The following KMO variants were observed in gnomAD, a reference collection of about 807,000 sequenced individuals.
KMO encodes the protein kynurenine 3-monooxygenase.
KMO carries 24 observed loss-of-function variants against 57.8 expected under a neutral mutation model. The ratio of observed to expected loss-of-function variants is 0.42; its 90% CI spans 0.30 to 0.58. KMO has a LOEUF of 0.58. Ranked by LOEUF, KMO falls within the 20% of genes least tolerant of loss-of-function variation. The probability of loss-of-function intolerance (pLI) is 0.22; values close to 1 mark genes in which losing one functional copy is unlikely to be tolerated. For synonymous variants in KMO, 210 were observed against 193.6 expected, an observed-to-expected ratio of 1.08 and a Z score of -0.70; for missense variants, 483 against 588.2, an observed-to-expected ratio of 0.82 and a Z score of 1.85.
chr1:241,554,692 C>T (rs569029917), intron 4 of KMO, among the ~76,000 whole-genome samples: 5 of 149,616 alleles, frequency 3.3e-5, no homozygotes, highest in Admixed American at 1.3e-4. Flanking sequence ...AAAAAGTGGC[C>T]GGGCGCTGTG....
intron 8 of KMO, among the ~76,000 whole-genome samples, chr1:241,565,852 G>C (rs1331026123): frequency 1.3e-5 from 2 of 152,082 alleles, no homozygotes; most frequent in Non-Finnish European, 2.9e-5. Context: ...CCAGGGCCTA[G>C]TAATACAATC....
At chr1:241,559,808 T>C (rs1284386016) in intron 5 of KMO, among the ~76,000 whole-genome samples, 1 of 152,144 alleles carries the variant, frequency 6.6e-6, no homozygotes, top group African/African-American at 2.4e-5. Flanking sequence ...ATGAGTTTGG[T>C]CCTTAATTTT....
chr1:241,534,650 C>A (rs915904558), intron 1 of KMO, among the ~76,000 whole-genome samples: 1 of 152,232 alleles, frequency 6.6e-6, no homozygotes, highest in African/African-American at 2.4e-5. Context: ...CCATTACAAC[C>A]ATCCTGGCCC....
intron 14 of KMO, 56 bp downstream of exon 14, chr1:241,590,319 T>G (rs1553352159): frequency 1.5e-6 from 2 of 1,309,032 alleles, no homozygotes; most frequent in Admixed American, 3.5e-5. Context: ...AATGTCATAG[T>G]ATTATGATTA....
At chr1:241,538,041 T>C (rs565360958) in intron 1 of KMO, among the ~76,000 whole-genome samples, 2 of 152,162 alleles carry the variant, frequency 1.3e-5, no homozygotes, top group Non-Finnish European at 2.9e-5. Flanking sequence ...TAGAGATATT[T>C]ATGGGGTAAA....
chr1:241,562,226 A>G lies in KMO; in HGVS notation c.509A>G (p.Tyr170Cys), dbSNP rs1182463856. 1.2e-6 allele frequency: 2 copies of G among 1,614,166 alleles called. No homozygotes were observed. Among genetic ancestry groups the G allele is most frequent in the South Asian group, 2.2e-5 (2 of 91,084 alleles). ...CDLIVGCDGA[Y>C]STVRSHLMKK... ...CTCATTGTAGGATGTGATGGAGCCT[A>G]TTCAACTGTCAGATCTCACCTGATG... Residue 170 changes from tyrosine (Y) to cysteine (C), a missense_variant, in exon 7 of 15, where the codon TAT (tyrosine) becomes TGT (cysteine). Physicochemically the swap from Tyr to Cys is radical, Grantham distance 194 (BLOSUM62 -2). Transcript: ENST00000366559.
chr1:241,546,467 A>C (rs1253864794), intron 1 of KMO, among the ~76,000 whole-genome samples: 1 of 152,224 alleles, frequency 6.6e-6, no homozygotes, highest in Non-Finnish European at 1.5e-5. Context: ...GGAAAGAGGC[A>C]AAATGAATGC....
At position 241,549,734 on chromosome 1, in the gene KMO, G is replaced by C; in HGVS notation, c.182G>C (p.Arg61Thr). Residue 61 changes from arginine (R) to threonine (T), a missense_variant, in exon 3 of 15, where the codon AGA (arginine) becomes ACA (threonine). This residue lies in a region of KMO where 70 missense variants were observed against 78.4 expected (regional missense o/e 0.89). Transcript: ENST00000366559. ...GRSINLALSH[R>T]GRQALKAVGL... ...AGCATTAACTTAGCCCTTTCTCATA[G>C]AGGACGACAAGCCTTGAAAGCTGTT... is the stretch of plus-strand genomic sequence containing the variant. 1 of 1,613,544 alleles carries C rather than the reference G, an allele frequency of 6.2e-7. No individual in the cohort carries two copies. Among genetic ancestry groups the C allele is most frequent in the Non-Finnish European group, 8.5e-7 (1 of 1,179,648 alleles).
intron 10 of KMO, among the ~76,000 whole-genome samples, chr1:241,577,347 A>G (rs1244726747): frequency 6.6e-6 from 1 of 151,142 alleles, no homozygotes; most frequent in Non-Finnish European, 1.5e-5. Context: ...GGTTCCTTCT[A>G]ATTTGGGTAG....
chr1:241,554,501 T>A (rs189636304), intron 4 of KMO, among the ~76,000 whole-genome samples: 338 of 151,852 alleles, frequency 2.2e-3, no homozygotes, highest in African/African-American at 7.7e-3. Flanking sequence ...CTTAAACTCC[T>A]GACCTCAAGT....
intron 11 of KMO, among the ~76,000 whole-genome samples, chr1:241,587,553 C>T (rs906003741): frequency 6.6e-6 from 1 of 152,136 alleles, no homozygotes; most frequent in African/African-American, 2.4e-5. Context: ...CGCCTCCTCT[C>T]CTGCCTCAGC....
chr1:241,580,458 A>G (rs546557214), intron 10 of KMO, among the ~76,000 whole-genome samples: 4 of 152,130 alleles, frequency 2.6e-5, no homozygotes, highest in African/African-American at 9.6e-5. Context: ...AAGTTTTTCT[A>G]CTTTTTTGAT....
chr1:241,561,711 C>T (rs968207188), intron 6 of KMO, among the ~76,000 whole-genome samples: 1 of 152,200 alleles, frequency 6.6e-6, no homozygotes, highest in African/African-American at 2.4e-5. Context: ...AATCTTTTAT[C>T]TTGACATTCA....
intron 2 of KMO, among the ~76,000 whole-genome samples, chr1:241,549,237 G>GAAAT (rs1661285348): frequency 6.5e-5 from 1 of 15,326 alleles, no homozygotes; most frequent in African/African-American, 1.1e-4. Flanking sequence ...AAGAAAGAAA[G>GAAAT]AAAGAAAGAA....
chr1:241,549,205 G>GAAAC (rs1366250081), intron 2 of KMO, among the ~76,000 whole-genome samples: 3 of 2,828 alleles, frequency 1.1e-3, no homozygotes, highest in Non-Finnish European at 7.7e-3. Flanking sequence ...AGAAAAGGAA[G>GAAAC]AAAGAAAGAA....
chr1:241,549,348 G>A (rs961588848), intron 2 of KMO, among the ~76,000 whole-genome samples: 1 of 151,666 alleles, frequency 6.6e-6, no homozygotes, highest in African/African-American at 2.4e-5. Context: ...AAGAAAGAAA[G>A]AAAGATAGAA....
At chr1:241,577,610 A>C (rs182508512) in intron 10 of KMO, among the ~76,000 whole-genome samples, 3 of 152,160 alleles carry the variant, frequency 2.0e-5, no homozygotes, top group Non-Finnish European at 4.4e-5. Flanking sequence ...ACGGTCTCCT[A>C]TGGGGTTGGA....
At chr1:241,591,621 C>A (rs948189052) in intron 14 of KMO, among the ~76,000 whole-genome samples, 1 of 152,086 alleles carries the variant, frequency 6.6e-6, no homozygotes, top group Non-Finnish European at 1.5e-5. Context: ...GATGTGTGGC[C>A]CCAGCACAGC....
chr1:241,588,735 A>G lies in KMO; in HGVS notation c.1016-13A>G, dbSNP rs946719633. On this transcript the variant is annotated splice_polypyrimidine_tract_variant and intron_variant, in intron 11 of 14. Transcript: ENST00000366559. ...ATAGAAGGTTTTGGAAAGATGTATTATTTAACTTACAGGTTTGTGTCTTCC... is the reference window on the plus strand; with the variant it reads ...ATAGAAGGTTTTGGAAAGATGTATTGTTTAACTTACAGGTTTGTGTCTTCC... 15 of 1,599,052 alleles carry G rather than the reference A, an allele frequency of 9.4e-6. No homozygotes were observed. The highest frequency in any genetic ancestry group is 5.4e-5 in the African/African-American group (4 of 74,606).
Sources: gnomAD v4.1 joint callset for allele counts (sites outside exome capture counted in the v4.1 genomes callset) on GRCh38, gnomAD v4.1.1 for gene constraint, gnomAD v4.1.1 regional missense constraint, MANE v1.5 for transcripts, NCBI Gene and HGNC (gene_info 2026-07-23, HGNC 2026-07-21) for gene names.